Variants in CNTN5 observed in about 807,000 individuals in gnomAD.
CNTN5 encodes contactin 5.
In CNTN5, 77 loss-of-function variants were observed where a neutral mutation model predicts 129.1. The ratio of observed to expected loss-of-function variants is 0.60; its 90% CI spans 0.50 to 0.72. The LOEUF (loss-of-function observed/expected upper bound fraction) is 0.72. CNTN5 is among the 30% of genes least tolerant of loss of function. The probability of loss-of-function intolerance (pLI) is 0.00; values close to 1 mark genes in which losing one functional copy is unlikely to be tolerated. For missense variants in CNTN5, 1,478 were observed against 1,328.8 expected, an observed-to-expected ratio of 1.11 and a Z score of -1.75; for synonymous variants, 509 against 465.6, an observed-to-expected ratio of 1.09 and a Z score of -1.20.
chr11:99,274,672 T>C (rs1863341726), intron 1 of CNTN5, among the ~76,000 whole-genome samples: 1 of 151,574 alleles, frequency 6.6e-6, no homozygotes, highest in African/African-American at 2.4e-5. Flanking sequence ...CTACTATATA[T>C]ATATATGAAT....
At chr11:99,275,382 A>G in intron 1 of CNTN5, among the ~76,000 whole-genome samples, 1 of 151,764 alleles carries the variant, frequency 6.6e-6, no homozygotes. Flanking sequence ...ATTAAATTAT[A>G]TATGTTCATA....
At position 99,092,100 on chromosome 11, in the gene CNTN5, T is replaced by C. The variant is rs1473922033; in HGVS notation, c.-210+70830T>C. Among the ~76,000 whole-genome samples, 6 of 152,282 alleles carry C rather than the reference T, an allele frequency of 3.9e-5. No individual in the cohort carries two copies. In the South Asian group the frequency reaches 8.3e-4, roughly 21 times the overall value. On this transcript the variant is annotated intron_variant, in intron 1 of 24. Transcript: ENST00000524871. Reference sequence around the variant, plus strand: ...TACATGAGAAAGAAAGAAAATGTGTTTTTTGTTGTTTAGTTTATTGTTTTA... The same window carrying C: ...TACATGAGAAAGAAAGAAAATGTGTCTTTTGTTGTTTAGTTTATTGTTTTA...
In CNTN5 at chr11:100,337,085, G is replaced by A. The variant is rs1458221582; in HGVS notation, c.2731-3378G>A. 9.1e-6 allele frequency: 12 copies of A among 1,325,576 alleles called. No homozygotes were observed. The South Asian group carries it at 9.4e-5, about 10-fold the overall frequency. 82.1% of individuals were successfully genotyped at this position (1,325,576 alleles called of 1,614,324 possible). A position where few individuals can be genotyped will look rare whatever the true frequency, so the allele number is the denominator to read the frequency against. On this transcript the variant is annotated intron_variant, in intron 21 of 24. Transcript: ENST00000524871. ...GAGATTTCACAAATCACTCTTGTAG[G>A]GATCATCAGACATGCAGAGAAGACT...
chr11:99,885,077 G>A (rs1050906739), intron 6 of CNTN5, among the ~76,000 whole-genome samples: 1 of 152,086 alleles, frequency 6.6e-6, no homozygotes, highest in Non-Finnish European at 1.5e-5. Flanking sequence ...TAGCCCAGGA[G>A]TTTGAGACCA....
intron 2 of CNTN5, among the ~76,000 whole-genome samples, chr11:99,364,966 A>G (rs1939353202): frequency 6.6e-6 from 1 of 152,132 alleles, no homozygotes; most frequent in Non-Finnish European, 1.5e-5. Flanking sequence ...TGAAGGGAAA[A>G]GATTGGAGAT....
chr11:99,351,286 C>A (rs1938280581), intron 2 of CNTN5, among the ~76,000 whole-genome samples: 1 of 152,146 alleles, frequency 6.6e-6, no homozygotes, highest in African/African-American at 2.4e-5. Flanking sequence ...CTACACTTAC[C>A]ACTCCCAATA....
intron 3 of CNTN5, among the ~76,000 whole-genome samples, chr11:99,608,082 C>T (rs1317851194): frequency 4.1e-5 from 4 of 98,608 alleles, no homozygotes; most frequent in African/African-American, 1.2e-4. Context: ...CACATGTACC[C>T]TAAAACTTAG....
intron 13 of CNTN5, among the ~76,000 whole-genome samples, chr11:100,110,458 T>C (rs1945616175): frequency 6.6e-6 from 1 of 152,156 alleles, no homozygotes; most frequent in Admixed American, 6.5e-5. Context: ...TTAAGCAATT[T>C]TCTGAATTTT....
chr11:99,950,782 G>A (rs931588915), intron 7 of CNTN5, among the ~76,000 whole-genome samples: 1 of 152,148 alleles, frequency 6.6e-6, no homozygotes, highest in Non-Finnish European at 1.5e-5. Context: ...CTACCACGTA[G>A]ACATTATTGT....
chr11:100,124,899 C>T (rs557105780), intron 13 of CNTN5, among the ~76,000 whole-genome samples: 1 of 152,074 alleles, frequency 6.6e-6, no homozygotes, highest in African/African-American at 2.4e-5. Context: ...TGCTTTAAGC[C>T]AATGGTTCTC....
intron 6 of CNTN5, among the ~76,000 whole-genome samples, chr11:99,892,541 A>C (rs368119562): frequency 6.6e-6 from 1 of 152,190 alleles, no homozygotes; most frequent in African/African-American, 2.4e-5. Flanking sequence ...AGTTTTCTGC[A>C]TATGGCTAGC....
At chr11:99,963,341 T>C (rs1005470767) in intron 8 of CNTN5, among the ~76,000 whole-genome samples, 1 of 152,160 alleles carries the variant, frequency 6.6e-6, no homozygotes, top group Non-Finnish European at 1.5e-5. Context: ...TTGTATAAGG[T>C]GTAAGGAGGG....
chr11:99,358,775 A>G (rs1938894526), intron 2 of CNTN5, among the ~76,000 whole-genome samples: 1 of 152,160 alleles, frequency 6.6e-6, no homozygotes, highest in Admixed American at 6.5e-5. Context: ...TCAGACATTC[A>G]GTTTACTAAT....
chr11:99,037,407 C>G (rs971209880), intron 1 of CNTN5, among the ~76,000 whole-genome samples: 1 of 152,056 alleles, frequency 6.6e-6, no homozygotes, highest in Non-Finnish European at 1.5e-5. Flanking sequence ...AACTGTCCTT[C>G]AGCAACTCTT....
intron 1 of CNTN5, among the ~76,000 whole-genome samples, chr11:99,039,079 A>G (rs1321469086): frequency 6.6e-6 from 1 of 152,180 alleles, no homozygotes; most frequent in African/African-American, 2.4e-5. Context: ...CTTGTTTTCA[A>G]ATTAATATTA....
chr11:100,098,984 T>C (rs1365670808), intron 13 of CNTN5, among the ~76,000 whole-genome samples: 1 of 152,034 alleles, frequency 6.6e-6, no homozygotes, highest in Non-Finnish European at 1.5e-5. Flanking sequence ...GGTCAAAGTA[T>C]GTCACAGAGC....
At chr11:99,757,086 A>T (rs1227687708) in intron 3 of CNTN5, among the ~76,000 whole-genome samples, 1 of 152,072 alleles carries the variant, frequency 6.6e-6, no homozygotes, top group African/African-American at 2.4e-5. Flanking sequence ...TCTCAGATCA[A>T]GGAGTCAGCA....
intron 15 of CNTN5, among the ~76,000 whole-genome samples, chr11:100,221,143 T>C (rs1396529624): frequency 6.6e-6 from 1 of 152,092 alleles, no homozygotes; most frequent in East Asian, 1.9e-4. Context: ...GAAAAACCTC[T>C]GAGCTGTGTC....
intron 2 of CNTN5, among the ~76,000 whole-genome samples, chr11:99,520,840 CA>C (rs1489537407): frequency 6.6e-6 from 1 of 151,974 alleles, no homozygotes; most frequent in Non-Finnish European, 1.5e-5. Context: ...TTGGGTAGCT[CA>C]AAAAATGTCA....
Sources: allele counts gnomAD v4.1 joint callset (sites outside exome capture counted in the v4.1 genomes callset), GRCh38; gene constraint gnomAD v4.1.1; transcripts MANE v1.5; gene names NCBI Gene and HGNC (gene_info 2026-07-23, HGNC 2026-07-21).